SMURF1: variants seen among roughly 807,000 people sequenced by gnomAD.
SMURF1 encodes the protein SMAD specific E3 ubiquitin protein ligase 1, also known as E3 ubiquitin-protein ligase SMURF1.
A neutral mutation model predicts 98.0 loss-of-function variants in SMURF1; 44 were observed. The ratio of observed to expected loss-of-function variants is 0.45; its 90% confidence interval spans 0.35 to 0.58. SMURF1 has a LOEUF of 0.58. Among genes scored for constraint, SMURF1 ranks in the 20% least tolerant of loss-of-function variants. The pLI is 0.00. For missense variants in SMURF1, 687 were observed against 938.4 expected (o/e 0.73, Z 3.50); for synonymous variants, 396 against 374.9 (o/e 1.06, Z -0.65).
In SMURF1 at chr7:99,090,746, C is replaced by T. The variant is rs148185520; in HGVS notation, c.56-28909G>A. On this transcript the variant is annotated intron_variant, in intron 1 of 17. Coordinates refer to ENST00000361368, the MANE Select transcript of SMURF1 (RefSeq NM_181349.3). ...TAAAAAATATTCAACAAATGTCATA[C>T]TTTAGTATTAGAATCTTTTTCTTAA... Among the ~76,000 whole-genome samples the T allele has an allele frequency of 1.0e-3, 159 of 152,276 alleles. 1 individual carries two copies. The highest frequency in any genetic ancestry group is 3.6e-3 in the African/African-American group (151 of 41,550).
intron 16 of SMURF1, among the ~76,000 whole-genome samples, chr7:99,034,468 T>G (rs1012497801): frequency 2.2e-4 from 34 of 152,136 alleles, no homozygotes; most frequent in African/African-American, 8.2e-4. Flanking sequence ...AAGCCTGGAT[T>G]CCTGCCCTGC....
At chr7:99,117,744 G>C (rs890593512) in intron 1 of SMURF1, among the ~76,000 whole-genome samples, 1 of 151,958 alleles carries the variant, frequency 6.6e-6, no homozygotes, top group African/African-American at 2.4e-5. Context: ...CCATAAAATG[G>C]GAGAAAATAT....
intron 1 of SMURF1, among the ~76,000 whole-genome samples, chr7:99,128,244 G>C (rs369122220): frequency 6.6e-6 from 1 of 152,268 alleles, no homozygotes; most frequent in Admixed American, 6.5e-5. Flanking sequence ...CAAGATGACC[G>C]AATGGCTCAT....
chr7:99,062,947 A>C (rs904346692), intron 1 of SMURF1, among the ~76,000 whole-genome samples: 1 of 151,838 alleles, frequency 6.6e-6, no homozygotes, highest in South Asian at 2.1e-4. Context: ...AATTACTGTT[A>C]AGAGAGTTTG....
At chr7:99,041,562 C>T (rs926000670) in intron 12 of SMURF1, among the ~76,000 whole-genome samples, 2 of 152,212 alleles carry the variant, frequency 1.3e-5, no homozygotes, top group Admixed American at 6.5e-5. Flanking sequence ...AATGCACAAG[C>T]GGAGCCTGTC....
At chr7:99,143,272 G>A (rs1275410874) in intron 1 of SMURF1, among the ~76,000 whole-genome samples, 1 of 139,238 alleles carries the variant, frequency 7.2e-6, no homozygotes, top group Non-Finnish European at 1.6e-5. Context: ...GGCCTGGGGG[G>A]AGAAGCGAGG....
intron 17 of SMURF1, chr7:99,030,962 C>CGTGCT (rs1289829613): frequency 6.4e-6 from 2 of 313,610 alleles, no homozygotes; most frequent in Non-Finnish European, 1.2e-5. Flanking sequence ...GCCCTCTCAA[C>CGTGCT]GTGCTGGGAG....
chr7:99,081,055 A>G (rs1305859178), intron 1 of SMURF1: 1 of 152,312 alleles, frequency 6.6e-6, no homozygotes, highest in Non-Finnish European at 1.5e-5. Flanking sequence ...GAACATGGGC[A>G]GAAATTAAAT....
chr7:99,032,434 C>T (rs1485371106), intron 17 of SMURF1, among the ~76,000 whole-genome samples: 3 of 152,150 alleles, frequency 2.0e-5, no homozygotes, highest in East Asian at 1.9e-4. Context: ...TTTGGGAGGC[C>T]GAGGTGGGCA....
rs565847755 is a variant in SMURF1, at chr7:99,077,321, T to A, written c.56-15484A>T. Among the ~76,000 whole-genome samples, 60 of 151,248 alleles carry A rather than the reference T, an allele frequency of 4.0e-4. 1 individual carries two copies. In the South Asian group the frequency reaches 0.012, roughly 30 times the overall value. On this transcript the variant is annotated intron_variant, in intron 1 of 17. Transcript: ENST00000361368. ...GATTCTTAATCCACTTCTTTTTTTT[T>A]ATTTTTTTTATTTTTTTTTATTTTT...
intron 1 of SMURF1, among the ~76,000 whole-genome samples, chr7:99,094,552 T>C (rs1796901986): frequency 6.6e-6 from 1 of 152,116 alleles, no homozygotes; most frequent in South Asian, 2.1e-4. Flanking sequence ...CATGTTTGAT[T>C]GGTAAGTAGC....
intron 1 of SMURF1, among the ~76,000 whole-genome samples, chr7:99,140,774 A>G (rs1236075726): frequency 6.6e-6 from 1 of 150,798 alleles, no homozygotes; most frequent in Non-Finnish European, 1.5e-5. Context: ...TGGTTGAAAT[A>G]TCCCTCATTT....
chr7:99,033,078 C>T lies in SMURF1; in HGVS notation c.2055G>A (p.Leu685=), dbSNP rs1194658829. The change falls in exon 17 of 18, where the codon CTG becomes CTA. Residue 685 remains leucine (L), a synonymous_variant. Transcript: ENST00000361368. The part of the protein sequence containing the change: ...AAGPRLFTIH[L]IDANTDNLPK... Reference sequence around the variant, plus strand: ...GAAGGTTGTCTGTGTTCGCGTCTATCAGGTGGATGGTGAACAGCCGGGGCC... The same window carrying T: ...GAAGGTTGTCTGTGTTCGCGTCTATTAGGTGGATGGTGAACAGCCGGGGCC... 3 of 1,592,312 alleles carry T rather than the reference C, an allele frequency of 1.9e-6. No homozygotes were observed. Among genetic ancestry groups the T allele is most frequent in the Non-Finnish European group, 1.7e-6 (2 of 1,168,672 alleles).
At chr7:99,092,459 C>T (rs919443923) in intron 1 of SMURF1, among the ~76,000 whole-genome samples, 1 of 152,176 alleles carries the variant, frequency 6.6e-6, no homozygotes, top group African/African-American at 2.4e-5. Context: ...GTTTGCAGAG[C>T]AACAACGACA....
At chr7:99,032,520 T>G (rs949550103) in intron 17 of SMURF1, among the ~76,000 whole-genome samples, 1 of 152,100 alleles carries the variant, frequency 6.6e-6, no homozygotes, top group Admixed American at 6.6e-5. Context: ...AATACAAAAA[T>G]TAGCCAAGTG....
intron 1 of SMURF1, among the ~76,000 whole-genome samples, chr7:99,097,850 G>A (rs937380761): frequency 6.6e-6 from 1 of 152,170 alleles, no homozygotes; most frequent in Non-Finnish European, 1.5e-5. Flanking sequence ...CACAGAAAAA[G>A]GAAAGATTAC....
At chr7:99,078,760 C>G (rs922998914) in intron 1 of SMURF1, among the ~76,000 whole-genome samples, 13 of 152,242 alleles carry the variant, frequency 8.5e-5, no homozygotes, top group Admixed American at 2.6e-4. Context: ...CTGTCACTGT[C>G]TCCCATCACC....
chr7:99,081,181 G>A (rs1260452307), intron 1 of SMURF1: 3 of 152,244 alleles, frequency 2.0e-5, no homozygotes, highest in Middle Eastern at 3.2e-3. Context: ...TTTCCACAAA[G>A]AGAATGCATG....
chr7:99,120,819 A>C (rs186474348), intron 1 of SMURF1: 5 of 152,042 alleles, frequency 3.3e-5, no homozygotes, highest in Admixed American at 6.5e-5. Context: ...AAAAAAAAAA[A>C]AACAACTTTA....
Sources: allele counts gnomAD v4.1 joint callset (sites outside exome capture counted in the v4.1 genomes callset), GRCh38; gene constraint gnomAD v4.1.1; transcripts MANE v1.5; gene names NCBI Gene and HGNC (gene_info 2026-07-23, HGNC 2026-07-21).